Variants in ANKLE2 observed in about 807,000 individuals in gnomAD.
ANKLE2 encodes ankyrin repeat and LEM domain containing 2.
A neutral mutation model predicts 84.2 loss-of-function variants in ANKLE2; 55 were observed. The observed-to-expected ratio is 0.65, with a 90% confidence interval of 0.53 to 0.82. ANKLE2 has a LOEUF of 0.82. Among genes scored for constraint, ANKLE2 ranks in the 40% least tolerant of loss-of-function variants. The pLI is 0.00. For missense variants in ANKLE2, 1,238 were observed against 1,201.9 expected, an observed-to-expected ratio of 1.03 and a Z score of -0.44; for synonymous variants, 551 against 486.1, an observed-to-expected ratio of 1.13 and a Z score of -1.76.
rs4075751 is a variant in ANKLE2, at chr12:132,748,107, A to G, written c.1041+31T>C. 110,903 of 1,608,018 alleles carry G rather than the reference A, an allele frequency of 0.069. 4,183 individuals are homozygous for G. The highest frequency in any genetic ancestry group is 0.12 in the East Asian group (5,269 of 44,672). On this transcript the variant is annotated intron_variant, in intron 4 of 12. Coordinates refer to ENST00000357997, the MANE Select transcript of ANKLE2 (RefSeq NM_015114.3). Reference sequence around the variant, plus strand: ...GCTGCGATGGAACGGCCGGGACCGCACACCTGCCCGAGGGAACCGCCGAGA... The same window carrying G: ...GCTGCGATGGAACGGCCGGGACCGCGCACCTGCCCGAGGGAACCGCCGAGA...
chr12:132,737,161 G>T, intron 7 of ANKLE2, 96 bp from the exon 8 acceptor site: 1 of 1,371,208 alleles, frequency 7.3e-7, no homozygotes, highest in Admixed American at 2.5e-5. Flanking sequence ...CCTTGCCAAG[G>T]CCTCTGCAAA....
chr12:132,729,675 C>T lies in ANKLE2; in HGVS notation c.2483+4G>A, dbSNP rs767966318. On this transcript the variant is annotated splice_donor_region_variant and intron_variant, in intron 11 of 12. Transcript: ENST00000357997. ...AGTGAGTGCAGAGGGCAACACACTC[C>T]TACCCAAAAAGGAAGAGCCGCCTGG... The T allele has an allele frequency of 5.7e-6, 9 of 1,591,862 alleles. No homozygotes were observed. The highest frequency in any genetic ancestry group is 2.8e-5 in the African/African-American group (2 of 70,308).
intron 10 of ANKLE2, chr12:132,732,014 G>A (rs183966267): frequency 6.6e-6 from 1 of 150,812 alleles, no homozygotes; most frequent in Non-Finnish European, 1.5e-5. Flanking sequence ...CCTGGTGTCT[G>A]ATATGCACCG....
rs776806854 is a variant in ANKLE2, at chr12:132,729,749, G to C, written c.2413C>G (p.Pro805Ala). 2.0e-5 allele frequency: 32 copies of C among 1,611,500 alleles called. No homozygotes were observed. In the East Asian group the frequency reaches 6.7e-4, roughly 34 times the overall value. ...TGATCCTCGTGCCTGGGGCTGCTGGGACTCAAGGACATTTTAGCGATCCTG... is the reference window on the plus strand; with the variant it reads ...TGATCCTCGTGCCTGGGGCTGCTGGCACTCAAGGACATTTTAGCGATCCTG... ...SARIAKMSLSPSSPRHEDQLE... is the reference protein window; with the variant it reads ...SARIAKMSLSASSPRHEDQLE... Residue 805 changes from proline (P) to alanine (A), a missense_variant, in exon 11 of 13, where the codon CCC (proline) becomes GCC (alanine). By Grantham distance (27) the Pro-to-Ala change is conservative. Coordinates refer to ENST00000357997, the MANE Select transcript of ANKLE2 (RefSeq NM_015114.3).
At chr12:132,741,166 A>C (rs1452635623) in intron 7 of ANKLE2, among the ~76,000 whole-genome samples, 1 of 152,232 alleles carries the variant, frequency 6.6e-6, no homozygotes. Flanking sequence ...AGCGACACAC[A>C]ACCTCAAAAA....
chr12:132,754,072 C>A (rs1452270692), intron 2 of ANKLE2, among the ~76,000 whole-genome samples: 4 of 151,364 alleles, frequency 2.6e-5, no homozygotes, highest in Non-Finnish European at 5.9e-5. Context: ...GAAACCCCGT[C>A]TCTACTAAAA....
Position 132,747,831 on chromosome 12 carries a change from C to T in ANKLE2, c.1230+1G>A. 2 of 1,592,942 alleles carry T rather than the reference C, an allele frequency of 1.3e-6. No individual in the cohort carries two copies. Among genetic ancestry groups the T allele is most frequent in the East Asian group, 2.2e-5 (1 of 44,768 alleles). On this transcript the variant is annotated splice_donor_variant, in intron 5 of 12. Coordinates refer to ENST00000357997, the MANE Select transcript of ANKLE2 (RefSeq NM_015114.3). LOFTEE classifies it high-confidence loss of function. ...AGCGTGAGTGGAGGGTGTGCACGCA[C>T]CATCTTGTCGGGGGTGTTGAGGTAC...
chr12:132,756,252 C>G (rs1383134937), intron 1 of ANKLE2: 1 of 151,758 alleles, frequency 6.6e-6, no homozygotes, highest in Non-Finnish European at 1.5e-5. Flanking sequence ...TGCCTGTAAC[C>G]CCAGCTACTC....
In ANKLE2 at chr12:132,736,786, C is replaced by A. The variant is rs7313956; in HGVS notation, c.1593+107G>T. ...AGATGAGGACAACCTTGGGGCTCCA[C>A]AGGACATGGTCCCTGAGACCACGCA... On this transcript the variant is annotated intron_variant, in intron 8 of 12. Coordinates refer to ENST00000357997, the MANE Select transcript of ANKLE2 (RefSeq NM_015114.3). 0.23 allele frequency: 303,077 copies of A among 1,338,992 alleles called. 42,008 individuals are homozygous for A. The highest frequency in any genetic ancestry group is 0.64 in the East Asian group (26,731 of 41,516). 82.9% of individuals were successfully genotyped at this position (1,338,992 alleles called of 1,614,324 possible).
In ANKLE2 at chr12:132,737,047, AG is replaced by A. The variant is rs1411120784; in HGVS notation, c.1438del (p.Leu480SerfsTer2). 6.2e-7 allele frequency: 1 copy of A among 1,603,870 alleles called. No homozygotes were observed. Among genetic ancestry groups the A allele is most frequent in the African/African-American group, 1.3e-5 (1 of 74,782 alleles). ...EYLKGHYYVP[L>X]LRAEETSSPV... ...AGAAGAAGTCTCTTCCGCTCTCAGG[AG>A]GGGCACGTAGTAGTGGCCTGAGGGA... On this transcript the variant is annotated frameshift_variant, in exon 8 of 13. Transcript: ENST00000357997. LOFTEE classifies it high-confidence loss of function.
Position 132,727,359 on chromosome 12 carries a change from G to GT in ANKLE2, c.2699dup (p.Asn900LysfsTer35). ...TTGCGGGGTTGCTTCCAGCCACGCTGTTTCTCCCCGGACTGTAGCTGTGAG... is the reference window on the plus strand; with the variant it reads ...TTGCGGGGTTGCTTCCAGCCACGCTGTTTTCTCCCCGGACTGTAGCTGTGAG... On this transcript the variant is annotated frameshift_variant, in exon 13 of 13. Transcript: ENST00000357997. LOFTEE classifies it low-confidence loss of function (END_TRUNC). The GT allele has an allele frequency of 6.4e-7, 1 of 1,561,592 alleles. No homozygotes were observed. Among genetic ancestry groups the GT allele is most frequent in the Non-Finnish European group, 8.7e-7 (1 of 1,152,988 alleles).
chr12:132,730,338 T>A (rs1438521403), intron 10 of ANKLE2, 68 bp from the exon 11 acceptor site: 26 of 564,978 alleles, frequency 4.6e-5, no homozygotes, highest in African/African-American at 1.2e-4. Context: ...CTCCGCCCCA[T>A]CCATGACCAA....
chr12:132,727,628 G>A (rs550501197), intron 12 of ANKLE2, among the ~76,000 whole-genome samples, 185 bp from the exon 13 acceptor site: 11 of 149,596 alleles, frequency 7.4e-5, no homozygotes, highest in East Asian at 2.0e-4. Flanking sequence ...CCCTGGCACC[G>A]CGGGCACACG....
At chr12:132,735,834 A>G (rs2043998334) in intron 8 of ANKLE2, among the ~76,000 whole-genome samples, 1 of 152,352 alleles carries the variant, frequency 6.6e-6, no homozygotes, top group African/African-American at 2.4e-5. Context: ...CCCGACGCAC[A>G]TGTGACACTG....
Position 132,725,607 on chromosome 12 carries a change from G to C in ANKLE2, c.*1635C>G, listed in dbSNP as rs1390723552. 1.3e-5 allele frequency: 2 copies of C among 152,220 alleles called. No homozygotes were observed. Among genetic ancestry groups the C allele is most frequent in the Non-Finnish European group, 2.9e-5 (2 of 68,052 alleles). The allele number at this position is 152,220 out of a possible 1,614,324, so 9.4% of individuals were successfully genotyped here. A position where few individuals can be genotyped will look rare whatever the true frequency, so the allele number is the denominator to read the frequency against. ...TGGAATCGCTGCCCACAAACAAACG[G>C]AGAAACAGTCAAAGGTGGCCTAAGA... is the stretch of plus-strand genomic sequence containing the variant. On this transcript the variant is annotated 3_prime_UTR_variant, in exon 13 of 13. Coordinates refer to ENST00000357997, the MANE Select transcript of ANKLE2 (RefSeq NM_015114.3).
At chr12:132,750,618 A>G in intron 3 of ANKLE2, 25 bp downstream of exon 3, 1 of 1,611,746 alleles carries the variant, frequency 6.2e-7, no homozygotes, top group South Asian at 1.1e-5. Flanking sequence ...AGGAACATCA[A>G]GATGTGAACG....
intron 2 of ANKLE2, 84 bp from the exon 3 acceptor site, chr12:132,750,933 G>C (rs1427487614): frequency 8.1e-7 from 1 of 1,239,852 alleles, no homozygotes; most frequent in African/African-American, 1.5e-5. Flanking sequence ...CTAACCATCA[G>C]CTTCCACATC....
At chr12:132,749,602 AG>A (rs2044313490) in intron 3 of ANKLE2, among the ~76,000 whole-genome samples, 1 of 152,208 alleles carries the variant, frequency 6.6e-6, no homozygotes. Context: ...CTGGAAGGAG[AG>A]GGCAACATTC....
intron 1 of ANKLE2, chr12:132,759,521 G>GATATGA (rs1566042428): frequency 7.1e-6 from 1 of 140,310 alleles, no homozygotes; most frequent in African/African-American, 3.3e-5. Flanking sequence ...CTATATATAT[G>GATATGA]TATACTATAT....
Sources: gnomAD v4.1 joint callset for allele counts (sites outside exome capture counted in the v4.1 genomes callset) on GRCh38, gnomAD v4.1.1 for gene constraint, MANE v1.5 for transcripts, NCBI Gene and HGNC (gene_info 2026-07-23, HGNC 2026-07-21) for gene names.